Variants in WDR90 observed in about 807,000 individuals in gnomAD.
WDR90 encodes WD repeat-containing protein 90.
In WDR90, 238 loss-of-function variants were observed where a neutral mutation model predicts 195.2. The observed-to-expected ratio is 1.22, with a 90% CI of 1.10 to 1.36. The LOEUF (loss-of-function observed/expected upper bound fraction) is 1.36. Among genes scored for constraint, WDR90 ranks in the 40% most tolerant of loss-of-function variants. WDR90 has a pLI of 0.00. For missense variants in WDR90, 2,734 were observed against 2,439.5 expected, an observed-to-expected ratio of 1.12 and a Z score of -2.54; for synonymous variants, 1,265 against 1,052.4, an observed-to-expected ratio of 1.20 and a Z score of -3.91.
intron 23 of WDR90, 84 bp downstream of exon 23, chr16:658,737 G>T: frequency 1.3e-6 from 2 of 1,563,590 alleles, no homozygotes; most frequent in African/African-American, 1.4e-5. Flanking sequence ...GTGGGTGGGG[G>T]CAGGGAGAGC....
Position 649,408 on chromosome 16 carries a change from G to C in WDR90, c.-9G>C, listed in dbSNP as rs1052450209. The stretch of plus-strand genomic sequence containing the variant: ...GGAGGCCTAGGCGGGAAGCTCGAGC[G>C]GCGGCGCCATGGCCCGAGGTAGCGC... On this transcript the variant is annotated 5_prime_UTR_variant, in exon 1 of 41. Coordinates refer to ENST00000293879, the MANE Select transcript of WDR90 (RefSeq NM_145294.5). The C allele has an allele frequency of 7.6e-7, 1 of 1,315,224 alleles. No homozygotes were observed. Among genetic ancestry groups the C allele is most frequent in the African/African-American group, 1.5e-5 (1 of 64,944 alleles). The allele number at this position is 1,315,224 out of a possible 1,614,324, so 81.5% of individuals were successfully genotyped here.
intron 13 of WDR90, 36 bp from the exon 14 acceptor site, chr16:654,993 G>A: frequency 1.2e-6 from 2 of 1,600,412 alleles, no homozygotes; most frequent in Non-Finnish European, 8.5e-7. Context: ...GCCCCGACTG[G>A]CCCTGCCGTG....
intron 4 of WDR90, 37 bp downstream of exon 4, chr16:650,399 G>A (rs1279889691): frequency 6.3e-7 from 1 of 1,597,628 alleles, no homozygotes; most frequent in Non-Finnish European, 8.6e-7. Context: ...TCCAGGACAG[G>A]TGGCTGGAGG....
chr16:650,305 T>G lies in WDR90; in HGVS notation c.331T>G (p.Ser111Ala). ...SFSNLFKEFKSTATWLQFPLV... is the reference protein window; with the variant it reads ...SFSNLFKEFKATATWLQFPLV... ...CTCCAACCTCTTCAAGGAGTTTAAG[T>G]CTACGGCCACGTGGCTCCAGTTTCC... The change falls in exon 4 of 41, where the codon TCT becomes GCT. Residue 111 changes from serine to alanine, a missense_variant. Coordinates refer to ENST00000293879, the MANE Select transcript of WDR90 (RefSeq NM_145294.5). The G allele has an allele frequency of 6.2e-7, 1 of 1,612,984 alleles. No homozygotes were observed. The highest frequency in any genetic ancestry group is 8.5e-7 in the Non-Finnish European group (1 of 1,179,982).
At chr16:659,609 C>T (rs2037850194) in intron 26 of WDR90, among the ~76,000 whole-genome samples, 1 of 152,174 alleles carries the variant, frequency 6.6e-6, no homozygotes, top group Non-Finnish European at 1.5e-5. Context: ...CCCCCTTGGC[C>T]CCAGGCACCT....
intron 14 of WDR90, 35 bp from the exon 15 acceptor site, chr16:655,272 G>A (rs761168724): frequency 2.0e-5 from 33 of 1,609,810 alleles, no homozygotes; most frequent in East Asian, 1.1e-4. Context: ...AGGGCGCTGC[G>A]AGCTGCGGCA....
chr16:651,437 G>A (rs1169256499), intron 7 of WDR90, among the ~76,000 whole-genome samples, 171 bp downstream of exon 7: 1 of 152,152 alleles, frequency 6.6e-6, no homozygotes, highest in Non-Finnish European at 1.5e-5. Context: ...AGGGTGGGAA[G>A]TCTGTGTGAG....
intron 33 of WDR90, 28 bp from the exon 34 acceptor site, chr16:662,651 C>T (rs1216414375): frequency 6.6e-7 from 1 of 1,520,786 alleles, no homozygotes; most frequent in Non-Finnish European, 8.8e-7. Context: ...ACCCATTGTT[C>T]TCTCCTTCCC....
At chr16:654,852 G>A (rs1207595788) in intron 13 of WDR90, 177 bp from the exon 14 acceptor site, 9 of 615,294 alleles carry the variant, frequency 1.5e-5, no homozygotes, top group Non-Finnish European at 2.6e-5. Context: ...AAGTCCCAAA[G>A]CTTCAGGATG....
Position 662,030 on chromosome 16 carries a change from T to C in WDR90, c.4004T>C (p.Leu1335Ser). The C allele has an allele frequency of 3.7e-6, 6 of 1,602,858 alleles. No homozygotes were observed. The highest frequency in any genetic ancestry group is 5.1e-6 in the Non-Finnish European group (6 of 1,179,840). Residue 1335 changes from leucine to serine, a missense_variant, in exon 32 of 41, where the codon TTG becomes TCG. By Grantham distance (145) the Leu-to-Ser change is moderately radical. Coordinates refer to ENST00000293879, the MANE Select transcript of WDR90 (RefSeq NM_145294.5). ...GACACGCGTGCCGGCCGCTGCTTCTTGTCCTGGGAGGCGGATGACGGTGGC... is the reference window on the plus strand; with the variant it reads ...GACACGCGTGCCGGCCGCTGCTTCTCGTCCTGGGAGGCGGATGACGGTGGC... ...VWDTRAGRCF[L>S]SWEADDGGIG...
intron 1 of WDR90, 165 bp from the exon 2 acceptor site, chr16:649,598 C>T (rs1286865141): frequency 8.8e-7 from 1 of 1,140,674 alleles, no homozygotes; most frequent in East Asian, 3.3e-5. Flanking sequence ...GCTTGGCTTC[C>T]CTCGGGCGCC....
intron 28 of WDR90, 100 bp from the exon 29 acceptor site, chr16:660,951 C>CCTCAGGCCCCCCCCCCTGT: frequency 2.5e-6 from 1 of 394,696 alleles, no homozygotes. Context: ...CGCCCCACGG[C>CCTCAGGCCCCCCCCCCTGT]TCGGCCCAGG....
rs200025076 is a variant in WDR90, at chr16:661,634, G to A, written c.3711G>A (p.Thr1237=). 69 of 1,604,238 alleles carry A rather than the reference G, an allele frequency of 4.3e-5. No individual in the cohort carries two copies. The highest frequency in any genetic ancestry group is 8.4e-5 in the Admixed American group (5 of 59,258). The change falls in exon 31 of 41, where the codon ACG becomes ACA. Residue 1237 remains threonine, a synonymous_variant. Coordinates refer to ENST00000293879, the MANE Select transcript of WDR90 (RefSeq NM_145294.5). ...HDGRTLALWG[T]ATYDLVSSTR... ...GCCGCACCCTCGCCCTGTGGGGCAC[G>A]GCCACCTATGACCTCGTGTCCTCCA...
rs760120814 is a variant in WDR90, at chr16:662,293, G to T, written c.4107G>T (p.Gly1369=). The T allele has an allele frequency of 4.4e-6, 7 of 1,579,920 alleles. No homozygotes were observed. The African/African-American group carries it at 9.4e-5, about 21-fold the overall frequency. The stretch of plus-strand genomic sequence containing the variant: ...GGCGGCTGCGCCTGTGGGCCGTGGG[G>T]GCTGTGTCGGAGCTGAGGTGCAAGG... ...STGRLRLWAV[G]AVSELRCKGS... is the part of the protein sequence containing the mutation. The change falls in exon 33 of 41, where the codon GGG becomes GGT. Residue 1369 remains glycine, a synonymous_variant. Coordinates refer to ENST00000293879, the MANE Select transcript of WDR90 (RefSeq NM_145294.5).
Position 658,985 on chromosome 16 carries a change from C to T in WDR90, c.2985C>T (p.Leu995=), listed in dbSNP as rs753507061. The T allele has an allele frequency of 1.2e-6, 2 of 1,613,096 alleles. No homozygotes were observed. The highest frequency in any genetic ancestry group is 1.3e-5 in the African/African-American group (1 of 75,014). ...TCAGCGCAGGGGACGCCGTCTTCCT[C>T]TGGGATGTCCTGGCCCCTACTGAGA... ...QVLSAGDAVF[L]WDVLAPTESD... The change falls in exon 24 of 41, where the codon CTC becomes CTT. Residue 995 remains leucine, a synonymous_variant. Coordinates refer to ENST00000293879, the MANE Select transcript of WDR90 (RefSeq NM_145294.5).
chr16:652,759 C>T (rs1470392325), intron 10 of WDR90, among the ~76,000 whole-genome samples: 1 of 152,202 alleles, frequency 6.6e-6, no homozygotes, highest in East Asian at 1.9e-4. Context: ...CGGGGGCTCT[C>T]AGGGTCACGG....
rs1261490602 is a variant in WDR90, at chr16:657,309, G to C, written c.2473+88G>C. 9.7e-6 allele frequency: 14 copies of C among 1,442,416 alleles called. No homozygotes were observed. In the East Asian group the frequency reaches 2.8e-4, roughly 28 times the overall value. The allele number at this position is 1,442,416 out of a possible 1,614,324, so 89.4% of individuals were successfully genotyped here. On this transcript the variant is annotated intron_variant, in intron 20 of 40. Coordinates refer to ENST00000293879, the MANE Select transcript of WDR90 (RefSeq NM_145294.5). ...AGGCCCACACCTGGACACACATGCC[G>C]GTTTCCTGGTGCACCGACTGGGTCC...
At chr16:660,758 C>T (rs932172449) in intron 28 of WDR90, 44 bp downstream of exon 28, 41 of 1,521,560 alleles carry the variant, frequency 2.7e-5, no homozygotes, top group Admixed American at 2.4e-4. Context: ...AAGATGCGGC[C>T]GCGCGTGGTC....
rs764602873 is a variant in WDR90 at position 661,782 on chromosome 16, C to T, written c.3859C>T (p.Leu1287Phe). ...TCAGCAGCGTGGGGCAGACATCAGCCTTCAGGTGCCACCCGTTCAGCGTTT... is the reference window on the plus strand; with the variant it reads ...TCAGCAGCGTGGGGCAGACATCAGCTTTCAGGTGCCACCCGTTCAGCGTTT... Reference protein sequence around the residue: ...LLQQRGADISLQVRREPVPEA... With the variant: ...LLQQRGADISFQVRREPVPEA... Residue 1287 changes from leucine (L) to phenylalanine (F), a missense_variant, in exon 31 of 41, where the codon CTT becomes TTT. By Grantham distance (22) the Leu-to-Phe change is conservative (BLOSUM62 0). Coordinates refer to ENST00000293879, the MANE Select transcript of WDR90 (RefSeq NM_145294.5). 6 of 1,598,530 alleles carry T rather than the reference C, an allele frequency of 3.8e-6. No homozygotes were observed. In the South Asian group the frequency reaches 5.6e-5, roughly 15 times the overall value.
Sources: allele counts gnomAD v4.1 joint callset (sites outside exome capture counted in the v4.1 genomes callset), GRCh38; gene constraint gnomAD v4.1.1; transcripts MANE v1.5; gene names NCBI Gene and HGNC (gene_info 2026-07-23, HGNC 2026-07-21).